The following NEDD4L variants were observed in gnomAD, a reference collection of about 807,000 sequenced individuals.
The protein encoded by NEDD4L is NEDD4 like E3 ubiquitin protein ligase.
NEDD4L carries 54 observed loss-of-function variants against 148.9 expected under a neutral mutation model. That is an observed-to-expected ratio of 0.36 (90% CI 0.29 to 0.45). NEDD4L has a LOEUF of 0.45. Among genes scored for constraint, NEDD4L ranks in the 20% least tolerant of loss-of-function variants. The pLI, the probability that NEDD4L is intolerant of heterozygous loss-of-function variation, is 1.00. For synonymous variants in NEDD4L, 433 were observed against 440.7 expected (o/e 0.98, Z 0.22); for missense variants, 856 against 1,233.8 (o/e 0.69, Z 4.59).
chr18:58,088,754 T>C (rs1384270734), intron 1 of NEDD4L, among the ~76,000 whole-genome samples: 3 of 152,224 alleles, frequency 2.0e-5, no homozygotes, highest in African/African-American at 7.2e-5. Flanking sequence ...GTTTCCATTG[T>C]TGCCCTGGCT....
chr18:58,392,243 G>A (rs917665423), intron 30 of NEDD4L, among the ~76,000 whole-genome samples: 36 of 152,218 alleles, frequency 2.4e-4, no homozygotes, highest in African/African-American at 7.2e-4. Flanking sequence ...CATGTCCCTC[G>A]TGTTGGTTTT....
At chr18:58,220,698 C>T (rs976807283) in intron 2 of NEDD4L, among the ~76,000 whole-genome samples, 23 of 152,200 alleles carry the variant, frequency 1.5e-4, no homozygotes, top group African/African-American at 5.3e-4. Flanking sequence ...CAACTGGGGA[C>T]ACTTCCTATT....
intron 24 of NEDD4L, among the ~76,000 whole-genome samples, chr18:58,378,670 G>T (rs901042643): frequency 1.3e-5 from 2 of 152,150 alleles, no homozygotes; most frequent in Non-Finnish European, 2.9e-5. Flanking sequence ...GGTGCTGACT[G>T]CCCCCGAGGC....
chr18:58,082,102 ATT>A (rs1192932128), intron 1 of NEDD4L, among the ~76,000 whole-genome samples: 39 of 48,822 alleles, frequency 8.0e-4, no homozygotes, highest in African/African-American at 4.3e-3. Flanking sequence ...ATATATATAT[ATT>A]TTTTTTTTTT....
rs996751296 is a variant in NEDD4L at position 58,397,279 on chromosome 18, A to G, written c.*1010A>G. Reference sequence around the variant, plus strand: ...ATGCGTTTGCTAATGGTAGCTAAATAACCAGTTTTTGTTGTAAATGCACCA... The same window carrying G: ...ATGCGTTTGCTAATGGTAGCTAAATGACCAGTTTTTGTTGTAAATGCACCA... On this transcript the variant is annotated 3_prime_UTR_variant, in exon 31 of 31. Transcript: ENST00000400345. 5.9e-5 allele frequency: 9 copies of G among 152,648 alleles called. No homozygotes were observed. Among genetic ancestry groups the G allele is most frequent in the African/African-American group, 2.2e-4 (9 of 41,446 alleles). The allele number at this position is 152,648 out of a possible 1,614,324, so 9.5% of individuals were successfully genotyped here. A position where few individuals can be genotyped will look rare whatever the true frequency, so the allele number is the denominator to read the frequency against.
At chr18:58,226,011 A>G (rs1266317104) in intron 2 of NEDD4L, among the ~76,000 whole-genome samples, 1 of 152,216 alleles carries the variant, frequency 6.6e-6, no homozygotes, top group African/African-American at 2.4e-5. Context: ...AGTGGTTAAA[A>G]GAAAACAAGA....
chr18:58,250,617 G>A (rs775807586), intron 4 of NEDD4L, among the ~76,000 whole-genome samples: 23 of 152,134 alleles, frequency 1.5e-4, no homozygotes, highest in Non-Finnish European at 3.2e-4. Context: ...AGAAGCACAA[G>A]CTGAGCTCTC....
intron 2 of NEDD4L, among the ~76,000 whole-genome samples, chr18:58,235,629 C>T (rs1474961709): frequency 2.0e-5 from 3 of 152,138 alleles, no homozygotes; most frequent in Non-Finnish European, 2.9e-5. Context: ...TTTGACATCA[C>T]GTTCATAGTT....
At chr18:58,187,916 A>G (rs1167407815) in intron 2 of NEDD4L, among the ~76,000 whole-genome samples, 1 of 152,138 alleles carries the variant, frequency 6.6e-6, no homozygotes, top group Non-Finnish European at 1.5e-5. Context: ...CTAACTTTCT[A>G]AAGAGCTGGG....
intron 2 of NEDD4L, among the ~76,000 whole-genome samples, chr18:58,190,597 A>C (rs192650099): frequency 4.6e-5 from 7 of 152,178 alleles, no homozygotes; most frequent in African/African-American, 1.7e-4. Context: ...ATGAGTGTTT[A>C]TTTTCTTTTC....
rs1048388643 is a variant in NEDD4L at position 58,161,210 on chromosome 18, A to G, written c.49-4578A>G. On this transcript the variant is annotated intron_variant, in intron 1 of 30. Coordinates refer to ENST00000400345, the MANE Select transcript of NEDD4L (RefSeq NM_001144967.3). ...CACGTCCAGCTAGTTTTATATTTTT[A>G]GTAGAGACAGGGTTTTCACCATGTT... Among the ~76,000 whole-genome samples the G allele has an allele frequency of 2.0e-5, 3 of 151,942 alleles. No homozygotes were observed. The East Asian group carries it at 5.8e-4, about 29-fold the overall frequency.
intron 1 of NEDD4L, among the ~76,000 whole-genome samples, chr18:58,107,778 T>C (rs1190338473): frequency 6.6e-6 from 1 of 152,016 alleles, no homozygotes; most frequent in Non-Finnish European, 1.5e-5. Context: ...GAAAGGACTT[T>C]TTTCCTCCCC....
At chr18:58,085,779 C>G (rs1020638228) in intron 1 of NEDD4L, among the ~76,000 whole-genome samples, 1 of 152,184 alleles carries the variant, frequency 6.6e-6, no homozygotes, top group Non-Finnish European at 1.5e-5. Flanking sequence ...AACTCTTTTT[C>G]TCTCTCTATT....
chr18:58,381,572 G>A (rs908109715), intron 24 of NEDD4L, among the ~76,000 whole-genome samples: 4 of 152,222 alleles, frequency 2.6e-5, no homozygotes, highest in Non-Finnish European at 5.9e-5. Context: ...TTCGGCTTGA[G>A]TGTAGCCGAG....
At chr18:58,395,612 C>G (rs1055427459) in intron 30 of NEDD4L, among the ~76,000 whole-genome samples, 1 of 152,244 alleles carries the variant, frequency 6.6e-6, no homozygotes, top group East Asian at 1.9e-4. Context: ...TCCCGAGCCC[C>G]GGACAGCCTG....
At chr18:58,141,993 T>A (rs923850419) in intron 1 of NEDD4L, among the ~76,000 whole-genome samples, 1 of 150,994 alleles carries the variant, frequency 6.6e-6, no homozygotes, top group Non-Finnish European at 1.5e-5. Flanking sequence ...CACTGTGGGT[T>A]TTGTCTACCC....
Position 58,256,153 on chromosome 18 carries a change from C to CCGCCGCGTGCGGT in NEDD4L, c.297+4100_297+4112dup. The CCGCCGCGTGCGGT allele has an allele frequency of 2.5e-6, 3 of 1,220,530 alleles. No homozygotes were observed. The highest frequency in any genetic ancestry group is 1.0e-6 in the Non-Finnish European group (1 of 980,932). 75.6% of individuals were successfully genotyped at this position (1,220,530 alleles called of 1,614,324 possible). On this transcript the variant is annotated intron_variant, in intron 5 of 30. Transcript: ENST00000400345. The surrounding 1 kb of genome is among the most constrained non-coding windows in gnomAD (Gnocchi z 5.2). ...GGCTCCAGGTCAACGGCACGTGCGG[C>CCGCCGCGTGCGGT]CGCCGCGTGCGGTGCTCCGGCCCCG...
chr18:58,332,191 T>C (rs1601357134), intron 11 of NEDD4L, among the ~76,000 whole-genome samples: 1 of 152,152 alleles, frequency 6.6e-6, no homozygotes, highest in South Asian at 2.1e-4. Context: ...AGTTAGCAAT[T>C]CTAATTATTT....
intron 1 of NEDD4L, among the ~76,000 whole-genome samples, chr18:58,150,564 T>C (rs1350963441): frequency 6.6e-6 from 1 of 152,258 alleles, no homozygotes; most frequent in Non-Finnish European, 1.5e-5. Flanking sequence ...TTGAAACTTT[T>C]GTTTCCTGTG....
Sources: gnomAD v4.1 joint callset for allele counts (sites outside exome capture counted in the v4.1 genomes callset) on GRCh38, gnomAD v4.1.1 for gene constraint, Gnocchi (gnomAD v3.1) non-coding constraint, MANE v1.5 for transcripts, NCBI Gene and HGNC (gene_info 2026-07-23, HGNC 2026-07-21) for gene names.